PCMTD1: variants seen among roughly 807,000 people sequenced by gnomAD.
The protein encoded by PCMTD1 is protein-L-isoaspartate O-methyltransferase domain-containing protein 1.
PCMTD1 carries 12 observed loss-of-function variants against 37.6 expected under a neutral mutation model. That is an observed-to-expected ratio of 0.32 (90% CI 0.20 to 0.52). The LOEUF is 0.52. PCMTD1 is among the 20% of genes least tolerant of loss of function. The probability of loss-of-function intolerance (pLI) is 0.97; values close to 1 mark genes in which losing one functional copy is unlikely to be tolerated. For synonymous variants in PCMTD1, 117 were observed against 135.8 expected (o/e 0.86, Z 0.96); for missense variants, 235 against 421.3 (o/e 0.56, Z 3.87).
intron 3 of PCMTD1, among the ~76,000 whole-genome samples, chr8:51,842,920 A>G (rs1423964730): frequency 1.3e-5 from 2 of 152,166 alleles, no homozygotes; most frequent in Middle Eastern, 3.2e-3. Flanking sequence ...GAATATACAA[A>G]TGGCAATTAA....
At chr8:51,833,159 G>A (rs1341606329) in intron 4 of PCMTD1, among the ~76,000 whole-genome samples, 2 of 152,102 alleles carry the variant, frequency 1.3e-5, no homozygotes, top group South Asian at 4.1e-4. Context: ...TTTCCTTTCA[G>A]TATGTCCAAA....
rs1450289706 is a variant in PCMTD1, at chr8:51,898,960, G to T, written c.-126C>A. 1 of 1,475,914 alleles carries T rather than the reference G, an allele frequency of 6.8e-7. No individual in the cohort carries two copies. The highest frequency in any genetic ancestry group is 1.3e-5 in the South Asian group (1 of 76,988). The allele number at this position is 1,475,914 out of a possible 1,614,324, so 91.4% of individuals were successfully genotyped here. ...GCGCGGGCAGCGGCGCGCAGGCCAGGCGCTAGGACTCGGCGGGGTCCGCAG... is the reference window on the plus strand; with the variant it reads ...GCGCGGGCAGCGGCGCGCAGGCCAGTCGCTAGGACTCGGCGGGGTCCGCAG... On this transcript the variant is annotated 5_prime_UTR_variant, in exon 1 of 6. Transcript: ENST00000522514.
Position 51,817,979 on chromosome 8 carries a change from A to T in PCMTD1, c.*2372T>A, listed in dbSNP as rs2037783374. 4 of 456,428 alleles carry T rather than the reference A, an allele frequency of 8.8e-6. No homozygotes were observed. The highest frequency in any genetic ancestry group is 1.8e-5 in the Non-Finnish European group (4 of 226,896). The allele number at this position is 456,428 out of a possible 1,614,324, so 28.3% of individuals were successfully genotyped here. A position where few individuals can be genotyped will look rare whatever the true frequency, so the allele number is the denominator to read the frequency against. The stretch of plus-strand genomic sequence containing the variant: ...ATACTTACTGTTTTAACTAGCTATA[A>T]AATTCCAATACTATATTCCCCATCA... On this transcript the variant is annotated 3_prime_UTR_variant, in exon 6 of 6. Transcript: ENST00000522514.
chr8:51,860,837 A>T lies in PCMTD1; in HGVS notation c.307+8T>A, dbSNP rs536275566. 13 of 1,565,990 alleles carry T rather than the reference A, an allele frequency of 8.3e-6. No individual in the cohort carries two copies. The South Asian group carries it at 1.5e-4, about 19-fold the overall frequency. On this transcript the variant is annotated splice_region_variant and intron_variant, in intron 2 of 5. Coordinates refer to ENST00000522514, the MANE Select transcript of PCMTD1 (RefSeq NM_052937.4). ...TTTTAAAATAGAATTTTACAAAAAT[A>T]AAATTACCTAAAATTAAGCCCACCA...
intron 1 of PCMTD1, 108 bp downstream of exon 1, chr8:51,898,822 G>T: frequency 4.7e-6 from 5 of 1,064,552 alleles, no homozygotes; most frequent in Non-Finnish European, 5.9e-6. Flanking sequence ...TTCGGCTGCC[G>T]TCCCCCTGGC....
At chr8:51,864,518 T>C (rs925662492) in intron 1 of PCMTD1, among the ~76,000 whole-genome samples, 5 of 152,196 alleles carry the variant, frequency 3.3e-5, no homozygotes, top group African/African-American at 9.6e-5. Flanking sequence ...ATACCAAATA[T>C]CTTTTCTACT....
chr8:51,898,063 TC>T (rs2129297654), intron 1 of PCMTD1, among the ~76,000 whole-genome samples: 1 of 152,244 alleles, frequency 6.6e-6, no homozygotes, highest in East Asian at 1.9e-4. Context: ...TTTGGCTGCT[TC>T]ATGTTTTTCT....
chr8:51,892,205 G>A (rs1360483782), intron 1 of PCMTD1, among the ~76,000 whole-genome samples: 1 of 152,072 alleles, frequency 6.6e-6, no homozygotes, highest in African/African-American at 2.4e-5. Flanking sequence ...TGACACAAAG[G>A]GATCTAAATT....
chr8:51,824,179 A>G (rs990871723), intron 5 of PCMTD1, among the ~76,000 whole-genome samples: 1 of 152,230 alleles, frequency 6.6e-6, no homozygotes, highest in East Asian at 1.9e-4. Context: ...TCAACATAGT[A>G]TTGGAAGTTC....
chr8:51,825,562 C>T lies in PCMTD1; in HGVS notation c.707-4844G>A, dbSNP rs528255512. Among the ~76,000 whole-genome samples, 378 of 57,904 alleles carry T rather than the reference C, an allele frequency of 6.5e-3. 68 individuals are homozygous for T. Among genetic ancestry groups the T allele is most frequent in the African/African-American group, 9.3e-3 (326 of 35,206 alleles). The allele number at this position is 57,904 out of a possible 152,430, so 38.0% of individuals were successfully genotyped here. A position where few individuals can be genotyped will look rare whatever the true frequency, so the allele number is the denominator to read the frequency against. On this transcript the variant is annotated intron_variant, in intron 5 of 5. Coordinates refer to ENST00000522514, the MANE Select transcript of PCMTD1 (RefSeq NM_052937.4). ...ACAAAAAATTAGCCGGGCGCGGTGG[C>T]GGGCGCCTGTAGTCCCAGCTACTCG...
chr8:51,889,880 G>C (rs1377397621), intron 1 of PCMTD1, among the ~76,000 whole-genome samples: 2 of 151,400 alleles, frequency 1.3e-5, no homozygotes, highest in Non-Finnish European at 2.9e-5. Context: ...GTGTGTGTGT[G>C]TGTGTGTGTG....
chr8:51,889,965 A>G (rs1006437244), intron 1 of PCMTD1, among the ~76,000 whole-genome samples: 2 of 149,990 alleles, frequency 1.3e-5, no homozygotes, highest in African/African-American at 5.0e-5. Flanking sequence ...AAAACCAGTG[A>G]TAACTAAACA....
At chr8:51,884,415 C>T (rs915812700) in intron 1 of PCMTD1, among the ~76,000 whole-genome samples, 5 of 152,214 alleles carry the variant, frequency 3.3e-5, no homozygotes, top group African/African-American at 1.2e-4. Flanking sequence ...AATGTACCAT[C>T]ATTTTACCTA....
chr8:51,836,231 A>C (rs2129277288), intron 3 of PCMTD1, among the ~76,000 whole-genome samples: 1 of 152,328 alleles, frequency 6.6e-6, no homozygotes, highest in African/African-American at 2.4e-5. Flanking sequence ...ATCAAGATGA[A>C]AGCCACCAAC....
intron 2 of PCMTD1, among the ~76,000 whole-genome samples, chr8:51,857,792 A>G (rs1373898194): frequency 2.0e-5 from 3 of 152,226 alleles, no homozygotes; most frequent in African/African-American, 7.2e-5. Flanking sequence ...AAATTTATGA[A>G]TAATTCCCTA....
chr8:51,895,495 G>A (rs1219388592), intron 1 of PCMTD1, among the ~76,000 whole-genome samples: 2 of 152,180 alleles, frequency 1.3e-5, no homozygotes, highest in African/African-American at 4.8e-5. Context: ...TGCATGTCTT[G>A]TATCAAGACA....
intron 1 of PCMTD1, among the ~76,000 whole-genome samples, chr8:51,882,036 A>G (rs958752204): frequency 1.4e-5 from 2 of 143,810 alleles, no homozygotes; most frequent in African/African-American, 2.4e-5. Context: ...GTCCAACCCC[A>G]AAACACTTAT....
intron 3 of PCMTD1, among the ~76,000 whole-genome samples, chr8:51,842,326 A>C (rs1176448356): frequency 6.6e-6 from 1 of 151,990 alleles, no homozygotes; most frequent in African/African-American, 2.4e-5. Context: ...ATACAACATA[A>C]AAACATGTTT....
chr8:51,883,136 C>CA (rs1410152634), intron 1 of PCMTD1, among the ~76,000 whole-genome samples: 12 of 147,810 alleles, frequency 8.1e-5, no homozygotes, highest in South Asian at 2.1e-4. Context: ...GATTCCGTCT[C>CA]AAAAAAAAAG....
Sources: gnomAD v4.1 joint callset for allele counts (sites outside exome capture counted in the v4.1 genomes callset) on GRCh38, gnomAD v4.1.1 for gene constraint, MANE v1.5 for transcripts, NCBI Gene and HGNC (gene_info 2026-07-23, HGNC 2026-07-21) for gene names.